The following TMC7 variants were observed in gnomAD, a reference collection of about 807,000 sequenced individuals.
TMC7 encodes the protein transmembrane channel like 7, also known as transmembrane channel-like protein 7.
Under a neutral mutation model 82.9 loss-of-function variants are expected in TMC7, and 54 were observed. That is an observed-to-expected ratio of 0.65 (90% CI 0.52 to 0.82). The LOEUF (loss-of-function observed/expected upper bound fraction) is 0.82. Ranked by LOEUF, TMC7 falls within the 40% of genes least tolerant of loss-of-function variation. The probability of loss-of-function intolerance (pLI) is 0.00; values close to 1 mark genes in which losing one functional copy is unlikely to be tolerated. For missense variants in TMC7, 820 were observed against 901.2 expected (o/e 0.91, Z 1.15); for synonymous variants, 350 against 337.9 (o/e 1.04, Z -0.39).
chr16:19,030,329 ATCGCC>A lies in TMC7; in HGVS notation c.820_824del (p.Ala274ProfsTer24), dbSNP rs1960455551. The stretch of plus-strand genomic sequence containing the variant: ...GCCCCTGGCGTATTTGTTAAGCACA[ATCGCC>A]TCCCTGGCCCTGAGCCTTCTTTGGA... On this transcript the variant is annotated frameshift_variant, in exon 6 of 16. Transcript: ENST00000304381. LOFTEE classifies it high-confidence loss of function. The A allele has an allele frequency of 6.2e-7, 1 of 1,613,592 alleles. No homozygotes were observed. Among genetic ancestry groups the A allele is most frequent in the East Asian group, 2.2e-5 (1 of 44,792 alleles).
chr16:19,044,287 A>G (rs112335350), intron 9 of TMC7, among the ~76,000 whole-genome samples: 1 of 152,124 alleles, frequency 6.6e-6, no homozygotes, highest in Non-Finnish European at 1.5e-5. Context: ...CTCTGGGCTC[A>G]AGCAATCCTC....
intron 1 of TMC7, among the ~76,000 whole-genome samples, chr16:18,985,368 A>G (rs1478240973): frequency 1.3e-5 from 2 of 152,192 alleles, no homozygotes; most frequent in African/African-American, 2.4e-5. Flanking sequence ...AAAATTTAGA[A>G]GAGACCCAAA....
Position 19,051,712 on chromosome 16 carries a change from C to T in TMC7, c.1767C>T (p.Pro589=). ...KEWSLLYTCR[P]SPRPFRASNS... Reference sequence around the variant, plus strand: ...GGAGTCTGCTTTACACCTGCAGACCCTCCCCCAGGCCGTTCAGAGCATCCA... The same window carrying T: ...GGAGTCTGCTTTACACCTGCAGACCTTCCCCCAGGCCGTTCAGAGCATCCA... Residue 589 remains proline, a synonymous_variant, in exon 13 of 16, where the codon CCC becomes CCT. Coordinates refer to ENST00000304381, the MANE Select transcript of TMC7 (RefSeq NM_024847.4). 1 of 1,614,050 alleles carries T rather than the reference C, an allele frequency of 6.2e-7. No individual in the cohort carries two copies. Among genetic ancestry groups the T allele is most frequent in the Non-Finnish European group, 8.5e-7 (1 of 1,180,018 alleles).
In TMC7 at chr16:19,054,107, T is replaced by C. The variant is rs985171248; in HGVS notation, c.1871+2291T>C. Reference sequence around the variant, plus strand: ...CCAGCAATTTATTTTTATCCCTACATAAAGGGCTGCAATGGAAAGTCTTAT... The same window carrying C: ...CCAGCAATTTATTTTTATCCCTACACAAAGGGCTGCAATGGAAAGTCTTAT... On this transcript the variant is annotated intron_variant, in intron 13 of 15. Coordinates refer to ENST00000304381, the MANE Select transcript of TMC7 (RefSeq NM_024847.4). Among the ~76,000 whole-genome samples the C allele has an allele frequency of 2.6e-5, 4 of 152,334 alleles. No individual in the cohort carries two copies. In the East Asian group the frequency reaches 7.7e-4, roughly 29 times the overall value.
rs1360598017 is a variant in TMC7 at position 19,045,342 on chromosome 16, G to A, written c.1457G>A (p.Cys486Tyr). 1.2e-6 allele frequency: 2 copies of A among 1,613,474 alleles called. No homozygotes were observed. Among genetic ancestry groups the A allele is most frequent in the Non-Finnish European group, 1.7e-6 (2 of 1,179,414 alleles). ...LCGYNQKLYPCWETQVGQEMY... is the reference protein window; with the variant it reads ...LCGYNQKLYPYWETQVGQEMY... ...TTCCCTCACTCTCTTTGATTTCAGT[G>A]CTGGGAGACCCAAGTTGGGCAGGAA... The change falls in exon 11 of 16, where the codon TGC (cysteine) becomes TAC (tyrosine). Residue 486 changes from cysteine to tyrosine, a missense_variant and splice_region_variant. Cys to Tyr is a radical substitution (Grantham distance 194). Around this residue, in one of 2 missense-constraint regions of TMC7, gnomAD observed 650 missense variants for 669.9 expected, o/e 0.97. Transcript: ENST00000304381.
Position 19,009,430 on chromosome 16 carries a change from C to T in TMC7, c.311+15C>T, listed in dbSNP as rs780567667. The T allele has an allele frequency of 2.5e-6, 4 of 1,605,204 alleles. No individual in the cohort carries two copies. In the South Asian group the frequency reaches 4.4e-5, roughly 18 times the overall value. On this transcript the variant is annotated intron_variant, in intron 2 of 15. Coordinates refer to ENST00000304381, the MANE Select transcript of TMC7 (RefSeq NM_024847.4). Reference sequence around the variant, plus strand: ...CGGAGACTAAGGTTTGTTCACTAGCCACCTGGAACCTGCATTGTGTATGTT... The same window carrying T: ...CGGAGACTAAGGTTTGTTCACTAGCTACCTGGAACCTGCATTGTGTATGTT...
At chr16:18,993,747 A>C (rs2038990654) in intron 1 of TMC7, among the ~76,000 whole-genome samples, 1 of 152,188 alleles carries the variant, frequency 6.6e-6, no homozygotes, top group Non-Finnish European at 1.5e-5. Flanking sequence ...ATATAACAGC[A>C]TGGTGGTGCA....
rs367924057 is a variant in TMC7, at chr16:19,045,009, G to C, written c.1455+8G>C. On this transcript the variant is annotated splice_region_variant and intron_variant, in intron 10 of 15. Transcript: ENST00000304381. ...AACCAGAAACTCTACCCGGTGAGTT[G>C]CGGGGCGGGGGCGTTCGGCTGGGTG... The C allele has an allele frequency of 9.3e-6, 15 of 1,609,164 alleles. No homozygotes were observed. The highest frequency in any genetic ancestry group is 1.2e-5 in the Non-Finnish European group (14 of 1,175,938).
intron 15 of TMC7, among the ~76,000 whole-genome samples, chr16:19,060,919 TGGGATTACAGGCA>T: frequency 6.6e-6 from 1 of 151,688 alleles, no homozygotes; most frequent in Non-Finnish European, 1.5e-5. Context: ...CCCAAGTAGC[TGGGATTACAGGCA>T]CCCACCATCA....
At chr16:19,009,978 T>TTTTC (rs987311219) in intron 2 of TMC7, among the ~76,000 whole-genome samples, 1 of 150,016 alleles carries the variant, frequency 6.7e-6, no homozygotes, top group African/African-American at 2.4e-5. Flanking sequence ...TCTTTCTTTC[T>TTTTC]TTTCTTTCTT....
rs1019518831 is a variant in TMC7, at chr16:19,049,706, G to A, written c.1741-1980G>A. On this transcript the variant is annotated intron_variant, in intron 12 of 15. Coordinates refer to ENST00000304381, the MANE Select transcript of TMC7 (RefSeq NM_024847.4). The stretch of plus-strand genomic sequence containing the variant: ...ATGGTGGGTACCTGGCCTCACTTCC[G>A]TCACTCACACCAGGCATGTCCCGCC... 200 of 975,256 alleles carry A rather than the reference G, an allele frequency of 2.1e-4. 1 individual carries two copies. Among genetic ancestry groups the A allele is most frequent in the African/African-American group, 1.7e-3 (100 of 57,152 alleles). 60.4% of individuals were successfully genotyped at this position (975,256 alleles called of 1,614,324 possible).
intron 3 of TMC7, among the ~76,000 whole-genome samples, chr16:19,021,205 T>C (rs1959957314): frequency 6.6e-6 from 1 of 152,184 alleles, no homozygotes; most frequent in Non-Finnish European, 1.5e-5. Flanking sequence ...ATGTGACAAG[T>C]CTTACAAATC....
chr16:19,044,175 T>G (rs1961152089), intron 9 of TMC7, among the ~76,000 whole-genome samples: 1 of 151,936 alleles, frequency 6.6e-6, no homozygotes, highest in Non-Finnish European at 1.5e-5. Context: ...ACATTGGTTT[T>G]TTTGTTTGTT....
chr16:19,045,806 CA>C (rs2142285823), intron 11 of TMC7, among the ~76,000 whole-genome samples: 2 of 151,998 alleles, frequency 1.3e-5, no homozygotes, highest in Admixed American at 1.3e-4. Context: ...CCATGTTAGC[CA>C]GGATGGTCTG....
intron 1 of TMC7, among the ~76,000 whole-genome samples, chr16:18,993,059 G>A (rs1274774024): frequency 6.6e-6 from 1 of 152,088 alleles, no homozygotes; most frequent in Non-Finnish European, 1.5e-5. Flanking sequence ...TCTTTTGAAA[G>A]CCAGCAATTG....
intron 3 of TMC7, among the ~76,000 whole-genome samples, chr16:19,019,011 G>A (rs1057448792): frequency 2.0e-5 from 3 of 152,062 alleles, no homozygotes; most frequent in African/African-American, 4.8e-5. Context: ...CCACCAGGCC[G>A]GCTAATTTTT....
chr16:19,007,099 A>G (rs1396632670), intron 1 of TMC7, among the ~76,000 whole-genome samples: 1 of 151,790 alleles, frequency 6.6e-6, no homozygotes. Context: ...TGCTGGGATT[A>G]CAGGTGTGAG....
intron 14 of TMC7, among the ~76,000 whole-genome samples, chr16:19,057,822 G>T (rs182431780): frequency 6.6e-6 from 1 of 152,224 alleles, no homozygotes; most frequent in Non-Finnish European, 1.5e-5. Context: ...TTCATTCAGT[G>T]AGGTTGCCTT....
At chr16:19,044,309 T>C (rs1422343080) in intron 9 of TMC7, among the ~76,000 whole-genome samples, 1 of 152,170 alleles carries the variant, frequency 6.6e-6, no homozygotes, top group African/African-American at 2.4e-5. Context: ...TGACTCAGCC[T>C]CCTGTGTAGC....
Sources: gnomAD v4.1 joint callset for allele counts (sites outside exome capture counted in the v4.1 genomes callset) on GRCh38, gnomAD v4.1.1 for gene constraint, gnomAD v4.1.1 regional missense constraint, MANE v1.5 for transcripts, NCBI Gene and HGNC (gene_info 2026-07-23, HGNC 2026-07-21) for gene names.